CASZ1: variants seen among roughly 807,000 people sequenced by gnomAD.
CASZ1 encodes the protein castor zinc finger 1.
CASZ1 carries 28 observed loss-of-function variants against 135.2 expected under a neutral mutation model. The observed-to-expected ratio is 0.21, with a 90% CI of 0.15 to 0.28. The LOEUF (loss-of-function observed/expected upper bound fraction) is 0.28. CASZ1 is among the 10% of genes least tolerant of loss of function. The pLI is 1.00. For missense variants in CASZ1, 2,161 were observed against 2,453.3 expected (o/e 0.88, Z 2.52); for synonymous variants, 1,068 against 1,073.4 (o/e 0.99, Z 0.10).
rs1639499614 is a variant in CASZ1 at position 10,721,666 on chromosome 1, C to T, written c.-76-16122G>A. 6.6e-6 allele frequency among the ~76,000 whole-genome samples: 1 copy of T among 152,210 alleles called. No homozygotes were observed. Among genetic ancestry groups the T allele is most frequent in the Admixed American group, 6.5e-5 (1 of 15,288 alleles). On this transcript the variant is annotated intron_variant, in intron 2 of 20. Coordinates refer to ENST00000377022, the MANE Select transcript of CASZ1 (RefSeq NM_001079843.3). This position sits in a 1 kb window ranked among gnomAD's most constrained non-coding sequence, Gnocchi z 5.4. ...GGGTGGAGGGTACGCCAGTGACCTC[C>T]CCTCCTAAGCTGCACCTCACCACTG...
At chr1:10,734,206 C>T (rs1335325443) in intron 2 of CASZ1, among the ~76,000 whole-genome samples, 1 of 151,430 alleles carries the variant, frequency 6.6e-6, no homozygotes, top group Non-Finnish European at 1.5e-5. Flanking sequence ...GTACTGAGCA[C>T]CACTCATGCT....
Position 10,639,131 on chromosome 1 carries a change from G to T in CASZ1, c.5091C>A (p.Asp1697Glu). 8.8e-7 allele frequency: 1 copy of T among 1,133,384 alleles called. No individual in the cohort carries two copies. The highest frequency in any genetic ancestry group is 1.1e-6 in the Non-Finnish European group (1 of 903,316). 70.2% of individuals were successfully genotyped at this position (1,133,384 alleles called of 1,614,324 possible). A position where few individuals can be genotyped will look rare whatever the true frequency, so the allele number is the denominator to read the frequency against. ...CGTCCTCGTCGTCGTCGTCCTCGTCGTCGTCCTCGTCCTCGTCGTCTTCGG... is the reference window on the plus strand; with the variant it reads ...CGTCCTCGTCGTCGTCGTCCTCGTCTTCGTCCTCGTCCTCGTCGTCTTCGG... ...EEAEDDEDED[D>E]DEDDDDEDDD... Residue 1697 changes from aspartate (D) to glutamate (E), a missense_variant, in exon 21 of 21, where the codon GAC (aspartate) becomes GAA (glutamate). This residue lies in a region of CASZ1 where 185 missense variants were observed against 134.7 expected (regional missense o/e 1.37). Transcript: ENST00000377022. The surrounding 1 kb of genome is among the most constrained non-coding windows in gnomAD (Gnocchi z 4.0).
intron 2 of CASZ1, among the ~76,000 whole-genome samples, chr1:10,758,916 T>C (rs951560057): frequency 6.6e-6 from 1 of 152,266 alleles, no homozygotes; most frequent in Admixed American, 6.5e-5. Flanking sequence ...AGCTTCATTA[T>C]CAAGTCCAAG....
rs1642951220 is a variant in CASZ1, at chr1:10,659,849, G to A, written c.1193C>T (p.Ala398Val). ...GGCACTGGGCACGCTGGCGAGGGGT[G>A]CGGGAGCCAGGCTGGGGGTGGGCGG... Reference protein sequence around the residue: ...KVPPTPSLAPAPLASVPSAPS... With the variant: ...KVPPTPSLAPVPLASVPSAPS... Residue 398 changes from alanine (A) to valine (V), a missense_variant, in exon 6 of 21, where the codon GCA becomes GTA. Ala to Val is a moderately conservative substitution (Grantham distance 64, BLOSUM62 0). Around this residue, in one of 7 missense-constraint regions of CASZ1, gnomAD observed 590 missense variants for 609.8 expected, o/e 0.97. Coordinates refer to ENST00000377022, the MANE Select transcript of CASZ1 (RefSeq NM_001079843.3). The A allele has an allele frequency of 2.5e-6, 4 of 1,612,152 alleles. No individual in the cohort carries two copies. The highest frequency in any genetic ancestry group is 2.7e-5 in the African/African-American group (2 of 74,992).
chr1:10,790,664 A>G (rs569299823), intron 1 of CASZ1, among the ~76,000 whole-genome samples: 1 of 152,170 alleles, frequency 6.6e-6, no homozygotes, highest in Non-Finnish European at 1.5e-5. Flanking sequence ...AGCCTTTTTG[A>G]ACTTCGTTCA....
chr1:10,698,739 G>A lies in CASZ1; in HGVS notation c.-23-4827C>T, dbSNP rs981953559. Among the ~76,000 whole-genome samples, 67 of 152,242 alleles carry A rather than the reference G, an allele frequency of 4.4e-4. 1 individual carries two copies. Among genetic ancestry groups the A allele is most frequent in the African/African-American group, 1.4e-3 (60 of 41,536 alleles). The stretch of plus-strand genomic sequence containing the variant: ...GACTGGCTTAACAGAGGGGCAAGCC[G>A]CACCTCCAACCCCAGCGAGCTCCTC... On this transcript the variant is annotated intron_variant, in intron 3 of 20. Transcript: ENST00000377022.
At chr1:10,770,648 G>A (rs1273119311) in intron 1 of CASZ1, among the ~76,000 whole-genome samples, 2 of 152,064 alleles carry the variant, frequency 1.3e-5, no homozygotes, top group East Asian at 1.9e-4. Flanking sequence ...TAGGAGCCCC[G>A]AGCCCACAGA....
chr1:10,793,575 G>A (rs934530084), intron 1 of CASZ1, among the ~76,000 whole-genome samples: 4 of 152,230 alleles, frequency 2.6e-5, no homozygotes, highest in Non-Finnish European at 5.9e-5. Context: ...ACCAGCAACA[G>A]ATTATCATCA....
chr1:10,692,878 C>G (rs1255954757), intron 4 of CASZ1, among the ~76,000 whole-genome samples: 2 of 152,218 alleles, frequency 1.3e-5, no homozygotes, highest in Non-Finnish European at 2.9e-5. Flanking sequence ...CAGGAGAGTT[C>G]AGAGATCAGT....
At chr1:10,682,921 G>T (rs952153068) in intron 4 of CASZ1, among the ~76,000 whole-genome samples, 1 of 152,226 alleles carries the variant, frequency 6.6e-6, no homozygotes, top group Non-Finnish European at 1.5e-5. Context: ...TCATCCCCCT[G>T]CTTCTTGTGC....
chr1:10,785,447 G>A (rs886398520), intron 1 of CASZ1, among the ~76,000 whole-genome samples: 9 of 152,164 alleles, frequency 5.9e-5, no homozygotes, highest in African/African-American at 1.7e-4. Context: ...TTTTGGCATA[G>A]CACAGTGAAA....
chr1:10,791,712 T>C (rs1164249492), intron 1 of CASZ1, among the ~76,000 whole-genome samples: 5 of 148,916 alleles, frequency 3.4e-5, no homozygotes, highest in Non-Finnish European at 7.4e-5. Flanking sequence ...CTTATGTCAC[T>C]GGGCTAAAAA....
chr1:10,703,566 C>G (rs1387772305), intron 3 of CASZ1, among the ~76,000 whole-genome samples: 3 of 152,060 alleles, frequency 2.0e-5, no homozygotes, highest in Non-Finnish European at 4.4e-5. Context: ...TTCCCAGGGC[C>G]CTGACACAGA....
At chr1:10,722,962 G>T (rs1302186150) in intron 2 of CASZ1, among the ~76,000 whole-genome samples, 2 of 152,280 alleles carry the variant, frequency 1.3e-5, no homozygotes, top group Admixed American at 6.5e-5. Context: ...CAGTCCTGCG[G>T]GAAGGAGGTG....
At chr1:10,683,832 C>G (rs1045319781) in intron 4 of CASZ1, among the ~76,000 whole-genome samples, 2 of 152,224 alleles carry the variant, frequency 1.3e-5, no homozygotes, top group East Asian at 3.9e-4. Context: ...TACATTTTAT[C>G]TTGCATCCCT....
chr1:10,742,999 A>G (rs1034206277), intron 2 of CASZ1, among the ~76,000 whole-genome samples: 2 of 151,826 alleles, frequency 1.3e-5, no homozygotes, highest in African/African-American at 4.9e-5. Context: ...AAAAGAAGAA[A>G]AAAAAGCCTC....
intron 2 of CASZ1, among the ~76,000 whole-genome samples, chr1:10,712,888 G>A (rs1639313205): frequency 6.6e-6 from 1 of 152,128 alleles, no homozygotes; most frequent in Admixed American, 6.5e-5. Context: ...TGCAACAAGC[G>A]CCCCTCTGGA....
chr1:10,701,853 G>A lies in CASZ1; in HGVS notation c.-24+3639C>T, dbSNP rs1051103205. 6.6e-6 allele frequency among the ~76,000 whole-genome samples: 1 copy of A among 152,054 alleles called. No homozygotes were observed. Among genetic ancestry groups the A allele is most frequent in the Non-Finnish European group, 1.5e-5 (1 of 67,982 alleles). On this transcript the variant is annotated intron_variant, in intron 3 of 20. Transcript: ENST00000377022. This position sits in a 1 kb window ranked among gnomAD's most constrained non-coding sequence, Gnocchi z 6.3. ...ACTAACAGGTGCTCGTCCAGGAGCC[G>A]ACCTGAGGGAGCCCATTCCTGCCAG... is the stretch of plus-strand genomic sequence containing the variant.
At chr1:10,650,463 A>T (rs1642530945) in intron 13 of CASZ1, 3 of 433,584 alleles carry the variant, frequency 6.9e-6, no homozygotes, top group Admixed American at 4.1e-5. Context: ...CTGAAGGGAA[A>T]AAAAGGTGTC....
Sources: allele counts gnomAD v4.1 joint callset (sites outside exome capture counted in the v4.1 genomes callset), GRCh38; gene constraint gnomAD v4.1.1; regional missense constraint gnomAD v4.1.1; non-coding constraint Gnocchi (gnomAD v3.1); transcripts MANE v1.5; gene names NCBI Gene and HGNC (gene_info 2026-07-23, HGNC 2026-07-21).